XYLT1: variants seen among roughly 807,000 people sequenced by gnomAD.
XYLT1 encodes beta-D-xylosyltransferase 1.
In XYLT1, 36 loss-of-function variants were observed where a neutral mutation model predicts 91.3. The observed-to-expected ratio is 0.39, with a 90% confidence interval of 0.30 to 0.52. The LOEUF (loss-of-function observed/expected upper bound fraction) is 0.52. XYLT1 is among the 20% of genes least tolerant of loss of function. XYLT1 has a pLI of 0.68. For missense variants in XYLT1, 1,242 were observed against 1,284.5 expected (o/e 0.97, Z 0.51); for synonymous variants, 588 against 532.0 (o/e 1.11, Z -1.45).
At chr16:17,213,940 T>C (rs1040368842) in intron 3 of XYLT1, among the ~76,000 whole-genome samples, 5 of 152,102 alleles carry the variant, frequency 3.3e-5, no homozygotes. Context: ...TTCAGAGGGT[T>C]TCAGCACAGA....
At position 17,312,979 on chromosome 16, in the gene XYLT1, C is replaced by T. The variant is rs2034572490; in HGVS notation, c.402+45033G>A. Among the ~76,000 whole-genome samples the T allele has an allele frequency of 6.6e-6, 1 of 152,246 alleles. No homozygotes were observed. Among genetic ancestry groups the T allele is most frequent in the South Asian group, 2.1e-4 (1 of 4,834 alleles). The stretch of plus-strand genomic sequence containing the variant: ...CCGGATCCTCTTGGAAAAGCTCCCC[C>T]TGGCCGGGGCTGAGCAGGGAAGCTG... On this transcript the variant is annotated intron_variant, in intron 2 of 11. Transcript: ENST00000261381. This position sits in a 1 kb window ranked among gnomAD's most constrained non-coding sequence, Gnocchi z 4.4.
chr16:17,188,227 T>G (rs993782619), intron 5 of XYLT1, among the ~76,000 whole-genome samples: 14 of 151,994 alleles, frequency 9.2e-5, no homozygotes, highest in African/African-American at 2.9e-4. Flanking sequence ...CCACTCCCAT[T>G]TGGGCCCCAC....
At chr16:17,399,928 G>A (rs148231344) in intron 1 of XYLT1, among the ~76,000 whole-genome samples, 3 of 152,178 alleles carry the variant, frequency 2.0e-5, no homozygotes, top group African/African-American at 7.2e-5. Flanking sequence ...CAGAGATAAA[G>A]CAAATATTTC....
intron 2 of XYLT1, among the ~76,000 whole-genome samples, chr16:17,339,012 A>G (rs1015109154): frequency 2.0e-5 from 3 of 152,230 alleles, no homozygotes; most frequent in Admixed American, 6.5e-5. Flanking sequence ...CAAAAATTCA[A>G]CTATAAACAG....
intron 2 of XYLT1, among the ~76,000 whole-genome samples, chr16:17,331,425 C>T (rs979044802): frequency 6.6e-6 from 1 of 152,246 alleles, no homozygotes; most frequent in Non-Finnish European, 1.5e-5. Flanking sequence ...AAAACCAATC[C>T]TCATTTAGTC....
intron 5 of XYLT1, among the ~76,000 whole-genome samples, chr16:17,179,263 A>G (rs1439056367): frequency 6.6e-6 from 1 of 152,056 alleles, no homozygotes; most frequent in Non-Finnish European, 1.5e-5. Flanking sequence ...AGGATCGAAA[A>G]ACTATCAGGT....
chr16:17,182,078 G>A (rs929846015), intron 5 of XYLT1, among the ~76,000 whole-genome samples: 5 of 152,110 alleles, frequency 3.3e-5, no homozygotes, highest in African/African-American at 7.2e-5. Context: ...TCCTTTTACC[G>A]CTCCCTGATG....
chr16:17,448,140 G>A (rs2036616332), intron 1 of XYLT1, among the ~76,000 whole-genome samples: 1 of 152,218 alleles, frequency 6.6e-6, no homozygotes, highest in South Asian at 2.1e-4. Flanking sequence ...GGCCAAGGCG[G>A]GTGGATCACT....
At chr16:17,355,472 C>T (rs2035281331) in intron 2 of XYLT1, 1 of 152,130 alleles carries the variant, frequency 6.6e-6, no homozygotes, top group African/African-American at 2.4e-5. Context: ...CGTGGAAGTT[C>T]TCTCATAGTC....
At chr16:17,179,285 C>A (rs2032013338) in intron 5 of XYLT1, among the ~76,000 whole-genome samples, 1 of 152,124 alleles carries the variant, frequency 6.6e-6, no homozygotes, top group African/African-American at 2.4e-5. Flanking sequence ...CTCCATTTAT[C>A]ACCTGAATGA....
intron 2 of XYLT1, among the ~76,000 whole-genome samples, chr16:17,322,262 C>T (rs1271769395): frequency 6.6e-6 from 1 of 152,050 alleles, no homozygotes; most frequent in Non-Finnish European, 1.5e-5. Context: ...AGAAGGCTAC[C>T]CCAACAGATT....
intron 2 of XYLT1, among the ~76,000 whole-genome samples, chr16:17,303,053 T>C (rs1019085422): frequency 6.6e-6 from 1 of 150,832 alleles, no homozygotes; most frequent in Non-Finnish European, 1.5e-5. Flanking sequence ...GCTTCAGTCG[T>C]GATGGATCTT....
rs563839608 is a variant in XYLT1 at position 17,285,391 on chromosome 16, T to A, written c.403-25893A>T. Among the ~76,000 whole-genome samples the A allele has an allele frequency of 5.9e-5, 9 of 152,314 alleles. 1 individual carries two copies. The South Asian group carries it at 1.7e-3, about 28-fold the overall frequency. On this transcript the variant is annotated intron_variant, in intron 2 of 11. Transcript: ENST00000261381. ...GGAACTTGCGCTAGATGCTTCTCGA[T>A]CTGCTCTCAGGGGATCTCCAGCATT... is the stretch of plus-strand genomic sequence containing the variant.
At chr16:17,119,976 A>G (rs2029989276) in intron 10 of XYLT1, among the ~76,000 whole-genome samples, 1 of 152,226 alleles carries the variant, frequency 6.6e-6, no homozygotes, top group Non-Finnish European at 1.5e-5. Context: ...TCATCAGGCC[A>G]GAGACTAAAG....
At chr16:17,382,496 C>T (rs1233168045) in intron 1 of XYLT1, among the ~76,000 whole-genome samples, 1 of 151,906 alleles carries the variant, frequency 6.6e-6, no homozygotes, top group African/African-American at 2.4e-5. Flanking sequence ...TGGGACCCCA[C>T]ACAGAGTGGA....
chr16:17,180,376 T>C (rs551440712), intron 5 of XYLT1, among the ~76,000 whole-genome samples: 135 of 152,260 alleles, frequency 8.9e-4, no homozygotes, highest in African/African-American at 2.6e-3. Context: ...TAAACAAAGA[T>C]TGACTCTGTA....
intron 1 of XYLT1, among the ~76,000 whole-genome samples, chr16:17,421,033 C>T (rs1255530627): frequency 6.6e-6 from 1 of 152,152 alleles, no homozygotes; most frequent in African/African-American, 2.4e-5. Flanking sequence ...TATCGGCTTC[C>T]CTTCTGCCAC....
chr16:17,460,400 G>A (rs1190777653), intron 1 of XYLT1, among the ~76,000 whole-genome samples: 1 of 152,186 alleles, frequency 6.6e-6, no homozygotes, highest in Non-Finnish European at 1.5e-5. Context: ...ATAAGAATTT[G>A]CATATTCTGG....
chr16:17,187,732 G>A (rs976546863), intron 5 of XYLT1, among the ~76,000 whole-genome samples: 7 of 151,148 alleles, frequency 4.6e-5, no homozygotes, highest in Admixed American at 6.6e-5. Context: ...TGCAACCTCC[G>A]CCTCCCAGGT....
Sources: gnomAD v4.1 joint callset for allele counts (sites outside exome capture counted in the v4.1 genomes callset) on GRCh38, gnomAD v4.1.1 for gene constraint, Gnocchi (gnomAD v3.1) non-coding constraint, MANE v1.5 for transcripts, NCBI Gene and HGNC (gene_info 2026-07-23, HGNC 2026-07-21) for gene names.